The following NCKAP1L variants were observed in gnomAD, a reference collection of about 807,000 sequenced individuals.
NCKAP1L encodes the protein nck-associated protein 1-like.
A neutral mutation model predicts 139.2 loss-of-function variants in NCKAP1L; 53 were observed. The ratio of observed to expected loss-of-function variants is 0.38; its 90% CI spans 0.31 to 0.48. NCKAP1L has a LOEUF of 0.48. Among genes scored for constraint, NCKAP1L ranks in the 20% least tolerant of loss-of-function variants. The pLI is 0.98. For synonymous variants in NCKAP1L, 468 were observed against 499.7 expected (o/e 0.94, Z 0.85); for missense variants, 1,151 against 1,381.9 (o/e 0.83, Z 2.65).
chr12:54,505,512 T>C (rs1956832997), intron 3 of NCKAP1L, among the ~76,000 whole-genome samples: 1 of 151,458 alleles, frequency 6.6e-6, no homozygotes, highest in African/African-American at 2.4e-5. Context: ...ACCACTGATC[T>C]ACTTTCTAGA....
At chr12:54,507,199 G>A (rs1217298586) in intron 3 of NCKAP1L, among the ~76,000 whole-genome samples, 1 of 151,982 alleles carries the variant, frequency 6.6e-6, no homozygotes, top group Non-Finnish European at 1.5e-5. Flanking sequence ...TGCTAAAGTG[G>A]TTTACCTGGG....
intron 28 of NCKAP1L, among the ~76,000 whole-genome samples, 187 bp from the exon 29 acceptor site, chr12:54,536,757 A>T (rs997978319): frequency 2.6e-5 from 4 of 151,550 alleles, no homozygotes; most frequent in African/African-American, 9.7e-5. Context: ...ACTATGCATA[A>T]TTCGATTTCA....
chr12:54,516,835 G>T, intron 10 of NCKAP1L, 61 bp from the exon 11 acceptor site: 1 of 1,411,722 alleles, frequency 7.1e-7, no homozygotes, highest in Non-Finnish European at 1.0e-6. Context: ...CTTCTGTGCT[G>T]CCTGTGGAGG....
chr12:54,526,704 A>G lies in NCKAP1L; in HGVS notation c.2333A>G (p.Asp778Gly). 6 of 1,614,134 alleles carry G rather than the reference A, an allele frequency of 3.7e-6. No homozygotes were observed. The highest frequency in any genetic ancestry group is 5.1e-6 in the Non-Finnish European group (6 of 1,180,018). ...CTCCTGCAGCAGACACAACCACTGG[A>G]TTCCTGTGGGGAACAGACAATCACC... ...NALLQQTQPL[D>G]SCGEQTITTL... The change falls in exon 21 of 31, where the codon GAT becomes GGT. Residue 778 changes from aspartate to glycine, a missense_variant. Transcript: ENST00000293373.
intron 3 of NCKAP1L, among the ~76,000 whole-genome samples, chr12:54,504,246 T>C (rs1433622273): frequency 6.6e-6 from 1 of 152,174 alleles, no homozygotes; most frequent in African/African-American, 2.4e-5. Flanking sequence ...CCCAAGCTTG[T>C]GGTGGTGTTA....
rs1957029580 is a variant in NCKAP1L, at chr12:54,526,698, C to T, written c.2327C>T (p.Pro776Leu). 1.2e-6 allele frequency: 2 copies of T among 1,614,024 alleles called. No individual in the cohort carries two copies. The highest frequency in any genetic ancestry group is 2.7e-5 in the African/African-American group (2 of 74,924). ...AACGCCCTCCTGCAGCAGACACAACCACTGGATTCCTGTGGGGAACAGACA... is the reference window on the plus strand; with the variant it reads ...AACGCCCTCCTGCAGCAGACACAACTACTGGATTCCTGTGGGGAACAGACA... ...IRNALLQQTQ[P>L]LDSCGEQTIT... The change falls in exon 21 of 31, where the codon CCA becomes CTA. Residue 776 changes from proline (P) to leucine (L), a missense_variant. Physicochemically the swap from Pro to Leu is moderately conservative, Grantham distance 98. Coordinates refer to ENST00000293373, the MANE Select transcript of NCKAP1L (RefSeq NM_005337.5).
Position 54,542,776 on chromosome 12 carries a change from T to TGGTTTG in NCKAP1L, c.*93_*94insTTTGGG. The TGGTTTG allele has an allele frequency of 2.3e-6, 1 of 435,864 alleles. No individual in the cohort carries two copies. The highest frequency in any genetic ancestry group is 4.0e-4 in the Middle Eastern group (1 of 2,514). 27.0% of individuals were successfully genotyped at this position (435,864 alleles called of 1,614,324 possible). A position where few individuals can be genotyped will look rare whatever the true frequency, so the allele number is the denominator to read the frequency against. Reference sequence around the variant, plus strand: ...TGGTCACTTTCGCAGGGGGTGGGAATGGGGTGGGGTCACTAAGGAGAGAGG... The same window carrying TGGTTTG: ...TGGTCACTTTCGCAGGGGGTGGGAATGGTTTGGGGGTGGGGTCACTAAGGAGAGAGG... On this transcript the variant is annotated 3_prime_UTR_variant, in exon 31 of 31. Coordinates refer to ENST00000293373, the MANE Select transcript of NCKAP1L (RefSeq NM_005337.5).
At chr12:54,506,737 A>AT (rs932301065) in intron 3 of NCKAP1L, among the ~76,000 whole-genome samples, 4 of 137,278 alleles carry the variant, frequency 2.9e-5, no homozygotes, top group Non-Finnish European at 4.6e-5. Flanking sequence ...TTGGCATCAT[A>AT]TTTTTTTTAT....
intron 7 of NCKAP1L, among the ~76,000 whole-genome samples, 172 bp downstream of exon 7, chr12:54,510,157 G>A (rs113540591): frequency 8.5e-4 from 129 of 152,194 alleles, no homozygotes; most frequent in African/African-American, 2.9e-3. Context: ...GGTTGGTTTG[G>A]GGCTTTTGTT....
intron 26 of NCKAP1L, among the ~76,000 whole-genome samples, chr12:54,534,154 G>A (rs993225362): frequency 2.0e-5 from 3 of 152,186 alleles, no homozygotes; most frequent in African/African-American, 7.2e-5. Flanking sequence ...AAAGGAAGAG[G>A]ATGTAAAGGC....
chr12:54,518,215 A>G (rs970818706), intron 13 of NCKAP1L, among the ~76,000 whole-genome samples: 5 of 151,988 alleles, frequency 3.3e-5, no homozygotes, highest in East Asian at 1.9e-4. Flanking sequence ...GGTGGTGGGC[A>G]CCTGTAGTCC....
chr12:54,505,628 T>C (rs1318925345), intron 3 of NCKAP1L, among the ~76,000 whole-genome samples: 2 of 151,946 alleles, frequency 1.3e-5, no homozygotes, highest in African/African-American at 2.4e-5. Context: ...GATTGATCTA[T>C]GTTGTTGCAT....
intron 1 of NCKAP1L, 41 bp from the exon 2 acceptor site, chr12:54,499,314 G>A: frequency 9.2e-7 from 1 of 1,090,312 alleles, no homozygotes; most frequent in Non-Finnish European, 1.4e-6. Flanking sequence ...TTTCTGAGGA[G>A]GAGGAGAAAG....
In NCKAP1L at chr12:54,544,207, T is replaced by C. The variant is rs1012254292; in HGVS notation, c.*1522T>C. 1 of 152,078 alleles carries C rather than the reference T, an allele frequency of 6.6e-6. No homozygotes were observed. Among genetic ancestry groups the C allele is most frequent in the Admixed American group, 6.5e-5 (1 of 15,272 alleles). 9.4% of individuals were successfully genotyped at this position (152,078 alleles called of 1,614,324 possible). On this transcript the variant is annotated 3_prime_UTR_variant, in exon 31 of 31. Coordinates refer to ENST00000293373, the MANE Select transcript of NCKAP1L (RefSeq NM_005337.5). Reference sequence around the variant, plus strand: ...TGGGAAGGGCTTATGTTCTAAAGGGTGATTCAGTGTCAGGCTTATGAGACT... The same window carrying C: ...TGGGAAGGGCTTATGTTCTAAAGGGCGATTCAGTGTCAGGCTTATGAGACT...
intron 5 of NCKAP1L, 72 bp downstream of exon 5, chr12:54,508,603 A>G (rs1207884386): frequency 6.9e-6 from 10 of 1,456,680 alleles, no homozygotes; most frequent in Admixed American, 1.9e-5. Flanking sequence ...CCCTCATGCA[A>G]AGGAAATTGA....
At chr12:54,532,584 G>A (rs572272683) in intron 26 of NCKAP1L, among the ~76,000 whole-genome samples, 46 of 152,236 alleles carry the variant, frequency 3.0e-4, no homozygotes, top group African/African-American at 1.0e-3. Flanking sequence ...AAACAAGTCC[G>A]CTCTTTAGTC....
chr12:54,512,268 TG>T, intron 9 of NCKAP1L, 163 bp downstream of exon 9: 8 of 677,262 alleles, frequency 1.2e-5, no homozygotes, highest in Non-Finnish European at 1.9e-5. Flanking sequence ...AGTGCTTCAC[TG>T]GGTTTTAGGG....
At position 54,509,905 on chromosome 12, in the gene NCKAP1L, G is replaced by A. The variant is rs373636188; in HGVS notation, c.655G>A (p.Ala219Thr). ...CCTCTTTGTCCGAAGAAACCAGGGG[G>A]CTGAGCAGTGGCGCAGTGCCCAACT... ...HFLFVRRNQG[A>T]EQWRSAQLLS... is the part of the protein sequence containing the mutation. The change falls in exon 7 of 31, where the codon GCT (alanine) becomes ACT (threonine). Residue 219 changes from alanine to threonine, a missense_variant. Coordinates refer to ENST00000293373, the MANE Select transcript of NCKAP1L (RefSeq NM_005337.5). 41 of 1,614,208 alleles carry A rather than the reference G, an allele frequency of 2.5e-5. No homozygotes were observed. In the African/African-American group the frequency reaches 4.9e-4, roughly 19 times the overall value.
intron 10 of NCKAP1L, 46 bp downstream of exon 10, chr12:54,516,341 T>A: frequency 6.3e-7 from 1 of 1,575,070 alleles, no homozygotes; most frequent in South Asian, 1.1e-5. Context: ...GGAATAGGAA[T>A]CTCTTCTCAC....
Sources: allele counts gnomAD v4.1 joint callset (sites outside exome capture counted in the v4.1 genomes callset), GRCh38; gene constraint gnomAD v4.1.1; transcripts MANE v1.5; gene names NCBI Gene and HGNC (gene_info 2026-07-23, HGNC 2026-07-21).